The following NTMT1 variants were observed in gnomAD, a reference collection of about 807,000 sequenced individuals.
NTMT1 encodes N-terminal Xaa-Pro-Lys N-methyltransferase 1, also known as N-terminal RCC1 methyltransferase.
In NTMT1, 8 loss-of-function variants were observed where a neutral mutation model predicts 17.5. The ratio of observed to expected loss-of-function variants is 0.46; its 90% CI spans 0.27 to 0.82. The LOEUF is 0.82. NTMT1 is among the 40% of genes least tolerant of loss of function. The pLI, the probability that NTMT1 is intolerant of heterozygous loss-of-function variation, is 0.15. For missense variants in NTMT1, 221 were observed against 303.5 expected, an observed-to-expected ratio of 0.73 and a Z score of 2.02; for synonymous variants, 128 against 126.8, an observed-to-expected ratio of 1.01 and a Z score of -0.06.
At chr9:129,622,537 CT>C (rs1313993241), upstream of NTMT1, among the ~76,000 whole-genome samples, 5 of 152,042 alleles carry the variant, frequency 3.3e-5, no homozygotes, top group Admixed American at 1.3e-4. Context: ...GCTAGGTGTG[CT>C]TCTTGCTATT....
chr9:129,611,911 C>A (rs1297086102), intron 1 of NTMT1, among the ~76,000 whole-genome samples: 1 of 151,978 alleles, frequency 6.6e-6, no homozygotes, highest in African/African-American at 2.4e-5. Context: ...GAGCACCACG[C>A]CCAGCTATTT....
chr9:129,613,627 T>C lies in NTMT1; in HGVS notation c.-55+4449T>C. On this transcript the variant is annotated intron_variant, in intron 1 of 3. Transcript: ENST00000372486. The surrounding 1 kb of genome is among the most constrained non-coding windows in gnomAD (Gnocchi z 6.2). ...AGGAAAGAGGGCAGGGTGAGATCTC[T>C]GCCCAGGAGGAGGGCACTGGTGCCC... 2 of 1,613,284 alleles carry C rather than the reference T, an allele frequency of 1.2e-6. No individual in the cohort carries two copies. Among genetic ancestry groups the C allele is most frequent in the Non-Finnish European group, 1.7e-6 (2 of 1,179,644 alleles).
At chr9:129,623,282 G>C (rs1304551456), upstream of NTMT1, among the ~76,000 whole-genome samples, 2 of 151,408 alleles carry the variant, frequency 1.3e-5, no homozygotes, top group Non-Finnish European at 2.9e-5. Flanking sequence ...GCAGTGAGCG[G>C]AGATCGCGCC....
At chr9:129,612,104 C>A (rs943374803) in intron 1 of NTMT1, 1 of 457,420 alleles carries the variant, frequency 2.2e-6, no homozygotes, top group Admixed American at 3.3e-5. Context: ...AAGAGGGGTT[C>A]ACTACAAGTC....
intron 1 of NTMT1, chr9:129,615,579 G>C (rs1172067332): frequency 6.2e-7 from 1 of 1,608,032 alleles, no homozygotes; most frequent in African/African-American, 1.3e-5. Flanking sequence ...GCAGGGCCTA[G>C]AGCCTTCCCC....
At chr9:129,631,424 G>A (rs1218088155) in intron 1 of NTMT1, among the ~76,000 whole-genome samples, 3 of 152,174 alleles carry the variant, frequency 2.0e-5, no homozygotes, top group Non-Finnish European at 2.9e-5. Context: ...GCACGGAGCC[G>A]CCCAACTGTC....
chr9:129,632,718 G>T lies in NTMT1; in HGVS notation c.15G>T (p.Val5=), dbSNP rs749587769. Residue 5 remains valine, a synonymous_variant, in exon 2 of 4, where the codon GTG becomes GTT. Coordinates refer to ENST00000372483, the MANE Select transcript of NTMT1 (RefSeq NM_014064.4). The part of the protein sequence containing the change: MTSE[V]IEDEKQFYSK... ...TTGGTGACAGCATGACGAGCGAGGT[G>T]ATAGAAGACGAGAAGCAATTCTATT... The T allele has an allele frequency of 4.3e-5, 69 of 1,613,992 alleles. No homozygotes were observed. In the Middle Eastern group the frequency reaches 6.6e-4, roughly 15 times the overall value.
rs1436486837 is a variant in NTMT1 at position 129,635,598 on chromosome 9, CATT to C, written c.*137_*139del. 1.8e-6 allele frequency: 2 copies of C among 1,111,306 alleles called. No individual in the cohort carries two copies. Among genetic ancestry groups the C allele is most frequent in the Admixed American group, 2.3e-5 (1 of 44,148 alleles). The allele number at this position is 1,111,306 out of a possible 1,614,324, so 68.8% of individuals were successfully genotyped here. A position where few individuals can be genotyped will look rare whatever the true frequency, so the allele number is the denominator to read the frequency against. ...TAAATATAGCTGTCTGCCGTCCACT[CATT>C]ATGCGGGCTCTTCTTCAAAAGGCAA... On this transcript the variant is annotated 3_prime_UTR_variant, in exon 4 of 4. Coordinates refer to ENST00000372483, the MANE Select transcript of NTMT1 (RefSeq NM_014064.4).
Position 129,635,234 on chromosome 9 carries a change from G to A in NTMT1, c.442G>A (p.Glu148Lys), listed in dbSNP as rs370860767. The change falls in exon 4 of 4, where the codon GAG becomes AAG. Residue 148 changes from glutamate to lysine, a missense_variant. Physicochemically the swap from Glu to Lys is moderately conservative, Grantham distance 56 (BLOSUM62 1). Coordinates refer to ENST00000372483, the MANE Select transcript of NTMT1 (RefSeq NM_014064.4). ...IGHLTDQHLA[E>K]FLRRCKGSLR... ...CCACCTCACCGATCAGCACCTGGCC[G>A]AGTTCCTGCGGCGCTGCAAGGGCAG... 15 of 1,611,696 alleles carry A rather than the reference G, an allele frequency of 9.3e-6. No homozygotes were observed. Among genetic ancestry groups the A allele is most frequent in the African/African-American group, 1.3e-5 (1 of 75,056 alleles).
intron 1 of NTMT1, among the ~76,000 whole-genome samples, chr9:129,631,134 T>A (rs1831142990): frequency 1.3e-5 from 2 of 152,328 alleles, no homozygotes; most frequent in South Asian, 4.1e-4. Flanking sequence ...CTCCCTGTGC[T>A]TGGCTGCCCA....
chr9:129,616,994 G>A (rs1720247791), intron 1 of NTMT1, among the ~76,000 whole-genome samples: 1 of 152,108 alleles, frequency 6.6e-6, no homozygotes, highest in African/African-American at 2.4e-5. Context: ...TTGAACCCAG[G>A]AGGTAGAGGT....
At chr9:129,631,610 A>G (rs1203049870) in intron 1 of NTMT1, among the ~76,000 whole-genome samples, 1 of 152,218 alleles carries the variant, frequency 6.6e-6, no homozygotes, top group African/African-American at 2.4e-5. Context: ...GTTGGGCCTC[A>G]GGGTGGTTGA....
rs572326138 is a variant in NTMT1 at position 129,634,451 on chromosome 9, C to T, written c.415+145C>T. ...ACCCCGCCCAGGCCCACCCCCACCC[C>T]GTACTTCCCAGGACTGAGGGACAGG... On this transcript the variant is annotated intron_variant, in intron 3 of 3. Transcript: ENST00000372483. 337 of 878,870 alleles carry T rather than the reference C, an allele frequency of 3.8e-4. 1 individual carries two copies. Among genetic ancestry groups the T allele is most frequent in the East Asian group, 1.2e-3 (45 of 36,604 alleles). 54.4% of individuals were successfully genotyped at this position (878,870 alleles called of 1,614,324 possible). A position where few individuals can be genotyped will look rare whatever the true frequency, so the allele number is the denominator to read the frequency against.
At chr9:129,609,793 G>T (rs1473416633) in intron 1 of NTMT1, among the ~76,000 whole-genome samples, 1 of 152,068 alleles carries the variant, frequency 6.6e-6, no homozygotes, top group Non-Finnish European at 1.5e-5. Context: ...GGCTACAGAG[G>T]GCCAGGGGGA....
At chr9:129,622,059 C>T (rs1170144227), upstream of NTMT1, among the ~76,000 whole-genome samples, 2 of 152,198 alleles carry the variant, frequency 1.3e-5, no homozygotes, top group South Asian at 4.1e-4. Context: ...GATGCCCTGG[C>T]CGCAGCCACC....
At chr9:129,624,361 G>C (rs575001619), upstream of NTMT1, among the ~76,000 whole-genome samples, 108 of 152,316 alleles carry the variant, frequency 7.1e-4, 1 homozygote, top group Admixed American at 1.8e-3. Context: ...CACCCCCACC[G>C]ATTGAAATTG....
rs1442815299 is a variant in NTMT1, at chr9:129,614,950, A to C, written c.-55+5772A>C. 6.6e-6 allele frequency among the ~76,000 whole-genome samples: 1 copy of C among 152,018 alleles called. No homozygotes were observed. Among genetic ancestry groups the C allele is most frequent in the African/African-American group, 2.4e-5 (1 of 41,418 alleles). ...ACTCACTGGGAACTGCAAAACAGAC[A>C]CCATTACATCCAGGGTCTGGTGGCT... On this transcript the variant is annotated intron_variant, in intron 1 of 3. Coordinates refer to the NTMT1 transcript ENST00000372486. This position sits in a 1 kb window ranked among gnomAD's most constrained non-coding sequence, Gnocchi z 4.4.
intron 1 of NTMT1, among the ~76,000 whole-genome samples, chr9:129,615,286 C>G (rs1170605269): frequency 6.6e-6 from 1 of 152,326 alleles, no homozygotes; most frequent in East Asian, 1.9e-4. Flanking sequence ...CCACTGGACT[C>G]TGGACCCTCT....
At position 129,632,709 on chromosome 9, in the gene NTMT1, G is replaced by A. The variant is rs376702708; in HGVS notation, c.6G>A (p.Thr2=). 216 of 1,613,926 alleles carry A rather than the reference G, an allele frequency of 1.3e-4. 1 individual carries two copies. Among genetic ancestry groups the A allele is most frequent in the South Asian group, 3.6e-4 (33 of 91,058 alleles). Residue 2 remains threonine (T), a synonymous_variant, in exon 2 of 4, where the codon ACG becomes ACA. Coordinates refer to ENST00000372483, the MANE Select transcript of NTMT1 (RefSeq NM_014064.4). M[T]SEVIEDEKQF... Reference sequence around the variant, plus strand: ...GAGCCGTGGTTGGTGACAGCATGACGAGCGAGGTGATAGAAGACGAGAAGC... The same window carrying A: ...GAGCCGTGGTTGGTGACAGCATGACAAGCGAGGTGATAGAAGACGAGAAGC...
Sources: gnomAD v4.1 joint callset for allele counts (sites outside exome capture counted in the v4.1 genomes callset) on GRCh38, gnomAD v4.1.1 for gene constraint, Gnocchi (gnomAD v3.1) non-coding constraint, MANE v1.5 for transcripts, NCBI Gene and HGNC (gene_info 2026-07-23, HGNC 2026-07-21) for gene names.